Variants in SNTG1 observed in about 807,000 individuals in gnomAD.
SNTG1 encodes syntrophin gamma 1, also known as gamma-1-syntrophin.
SNTG1 carries 39 observed loss-of-function variants against 74.7 expected under a neutral mutation model. The observed-to-expected ratio is 0.52, with a 90% CI of 0.40 to 0.68. SNTG1 has a LOEUF of 0.68. Among genes scored for constraint, SNTG1 ranks in the 30% least tolerant of loss-of-function variants. The pLI is 0.00. For missense variants in SNTG1, 685 were observed against 609.5 expected (o/e 1.12, Z -1.30); for synonymous variants, 254 against 217.1 (o/e 1.17, Z -1.49).
At chr8:50,383,935 G>T (rs771661712) in intron 2 of SNTG1, among the ~76,000 whole-genome samples, 1 of 152,136 alleles carries the variant, frequency 6.6e-6, no homozygotes, top group South Asian at 2.1e-4. Flanking sequence ...CCAATTCAAT[G>T]AAATCATTGT....
At chr8:50,025,950 C>T (rs1010266070) in intron 1 of SNTG1, among the ~76,000 whole-genome samples, 1 of 152,100 alleles carries the variant, frequency 6.6e-6, no homozygotes, top group Non-Finnish European at 1.5e-5. Context: ...AGCCAGCAAT[C>T]CTCCCTGGAG....
At chr8:50,773,363 C>T (rs1402106718) in intron 18 of SNTG1, among the ~76,000 whole-genome samples, 1 of 152,000 alleles carries the variant, frequency 6.6e-6, no homozygotes, top group African/African-American at 2.4e-5. Context: ...AGAAAAGATG[C>T]CCTAAACTCT....
intron 13 of SNTG1, among the ~76,000 whole-genome samples, chr8:50,604,458 T>TTA (rs2094797953): frequency 6.6e-6 from 1 of 151,872 alleles, no homozygotes; most frequent in Non-Finnish European, 1.5e-5. Flanking sequence ...GAAATATACC[T>TTA]GGTGTTCTAT....
At chr8:50,079,514 G>C (rs546018408) in intron 1 of SNTG1, among the ~76,000 whole-genome samples, 34 of 151,516 alleles carry the variant, frequency 2.2e-4, no homozygotes, top group Non-Finnish European at 4.0e-4. Flanking sequence ...TCTGTAGGTT[G>C]CCTGTTCACT....
intron 1 of SNTG1, among the ~76,000 whole-genome samples, chr8:50,007,297 C>T (rs1046052257): frequency 6.6e-6 from 1 of 152,084 alleles, no homozygotes; most frequent in Non-Finnish European, 1.5e-5. Context: ...AGTTCTGGCC[C>T]CTACCTGGCC....
chr8:50,488,081 G>T (rs2093814847), intron 8 of SNTG1, among the ~76,000 whole-genome samples: 1 of 152,138 alleles, frequency 6.6e-6, no homozygotes, highest in Non-Finnish European at 1.5e-5. Context: ...ATTCTATCTT[G>T]TTTTCTGTAT....
chr8:50,690,320 GT>G (rs1451132388), intron 15 of SNTG1, among the ~76,000 whole-genome samples: 1 of 152,054 alleles, frequency 6.6e-6, no homozygotes. Flanking sequence ...TGCTTCTCTA[GT>G]TCTTTTAATT....
intron 1 of SNTG1, among the ~76,000 whole-genome samples, chr8:50,062,784 A>C (rs1397104095): frequency 6.6e-6 from 1 of 152,238 alleles, no homozygotes; most frequent in Non-Finnish European, 1.5e-5. Context: ...ACATATTGTA[A>C]GACTGAGTGA....
intron 2 of SNTG1, among the ~76,000 whole-genome samples, chr8:50,345,600 T>G (rs1448152649): frequency 6.6e-6 from 1 of 152,206 alleles, no homozygotes; most frequent in Non-Finnish European, 1.5e-5. Flanking sequence ...ATATGTTAAA[T>G]CAACTGCCAT....
intron 5 of SNTG1, among the ~76,000 whole-genome samples, chr8:50,439,923 T>A (rs904213949): frequency 1.3e-5 from 2 of 151,668 alleles, no homozygotes; most frequent in Admixed American, 1.3e-4. Context: ...GAAATGTTCT[T>A]TTCCTTTTTT....
chr8:50,735,245 T>C (rs1334330953), intron 17 of SNTG1, among the ~76,000 whole-genome samples: 2 of 151,740 alleles, frequency 1.3e-5, no homozygotes, highest in Non-Finnish European at 2.9e-5. Flanking sequence ...AAAAGAGAAT[T>C]GTTGAGAAAA....
At chr8:50,310,817 A>T (rs2090082484) in intron 2 of SNTG1, among the ~76,000 whole-genome samples, 1 of 152,252 alleles carries the variant, frequency 6.6e-6, no homozygotes, top group Non-Finnish European at 1.5e-5. Flanking sequence ...ATTGTGAGAT[A>T]AGATATACAT....
At chr8:50,225,762 A>G (rs1438566518) in intron 2 of SNTG1, among the ~76,000 whole-genome samples, 3 of 152,350 alleles carry the variant, frequency 2.0e-5, no homozygotes, top group African/African-American at 7.2e-5. Context: ...ATTAAGTAAC[A>G]CATTAGACAC....
At chr8:49,914,406 G>T (rs975366047) in intron 1 of SNTG1, among the ~76,000 whole-genome samples, 1 of 151,628 alleles carries the variant, frequency 6.6e-6, no homozygotes, top group Non-Finnish European at 1.5e-5. Context: ...AGTGTTGTTG[G>T]CTGTTGCTTA....
In SNTG1 at chr8:50,120,666, G is replaced by A. The variant is rs548047446; in HGVS notation, c.-102-51895G>A. Among the ~76,000 whole-genome samples the A allele has an allele frequency of 1.1e-3, 153 of 141,456 alleles. 17 individuals carry two copies. The highest frequency in any genetic ancestry group is 3.5e-3 in the African/African-American group (136 of 39,104). 92.8% of individuals were successfully genotyped at this position (141,456 alleles called of 152,430 possible). A position where few individuals can be genotyped will look rare whatever the true frequency, so the allele number is the denominator to read the frequency against. ...TACCAACCTCACCACCACTATTACC[G>A]CTGTTATCACCACCAACGCTACTAA... is the stretch of plus-strand genomic sequence containing the variant. On this transcript the variant is annotated intron_variant, in intron 1 of 18. Transcript: ENST00000642720.
chr8:50,354,924 C>A (rs2091775402), intron 2 of SNTG1, among the ~76,000 whole-genome samples: 3 of 152,192 alleles, frequency 2.0e-5, no homozygotes, highest in Admixed American at 6.5e-5. Context: ...TAAATTAGAG[C>A]ACAAATTTGA....
intron 1 of SNTG1, among the ~76,000 whole-genome samples, chr8:50,005,955 C>CTTTTTTTTTT (rs57041850): frequency 1.1e-5 from 1 of 89,376 alleles, no homozygotes; most frequent in Non-Finnish European, 1.9e-5. Context: ...ATTACTTGCA[C>CTTTTTTTTTT]TTTTTTTTTT....
chr8:50,411,246 A>C (rs1330769447), intron 4 of SNTG1, among the ~76,000 whole-genome samples: 3 of 152,038 alleles, frequency 2.0e-5, no homozygotes, highest in Non-Finnish European at 4.4e-5. Flanking sequence ...CAGGAGATCG[A>C]GGCTATCCTG....
In SNTG1 at chr8:50,241,978, A is replaced by C. The variant is rs182381536; in HGVS notation, c.-28+69343A>C. Among the ~76,000 whole-genome samples the C allele has an allele frequency of 1.1e-3, 168 of 151,878 alleles. 5 individuals are homozygous for C. The highest frequency in any genetic ancestry group is 4.0e-3 in the African/African-American group (166 of 41,424). On this transcript the variant is annotated intron_variant, in intron 2 of 18. Transcript: ENST00000642720. Reference sequence around the variant, plus strand: ...CTGGAGTGATGGGGGATTTAGGCTGATACTTGCTTCAAAATGCTCCCTCTT... The same window carrying C: ...CTGGAGTGATGGGGGATTTAGGCTGCTACTTGCTTCAAAATGCTCCCTCTT...
Sources: allele counts gnomAD v4.1 joint callset (sites outside exome capture counted in the v4.1 genomes callset), GRCh38; gene constraint gnomAD v4.1.1; transcripts MANE v1.5; gene names NCBI Gene and HGNC (gene_info 2026-07-23, HGNC 2026-07-21).